The following MINDY2 variants were observed in gnomAD, a reference collection of about 807,000 sequenced individuals.
The protein encoded by MINDY2 is ubiquitin carboxyl-terminal hydrolase MINDY-2.
Under a neutral mutation model 68.2 loss-of-function variants are expected in MINDY2, and 52 were observed. That is an observed-to-expected ratio of 0.76 (90% CI 0.61 to 0.96). The LOEUF is 0.96. Among genes scored for constraint, MINDY2 ranks in the 40% least tolerant of loss-of-function variants. The pLI, the probability that MINDY2 is intolerant of heterozygous loss-of-function variation, is 0.00. For missense variants in MINDY2, 881 were observed against 773.4 expected (o/e 1.14, Z -1.65); for synonymous variants, 372 against 303.0 (o/e 1.23, Z -2.36).
intron 6 of MINDY2, among the ~76,000 whole-genome samples, chr15:58,838,216 G>A (rs1224862079): frequency 1.3e-5 from 2 of 150,820 alleles, no homozygotes; most frequent in African/African-American, 4.9e-5. Context: ...TGGCCAACAT[G>A]GTGAAACCCC....
chr15:58,804,337 C>A (rs1902875400), intron 3 of MINDY2, among the ~76,000 whole-genome samples: 1 of 152,088 alleles, frequency 6.6e-6, no homozygotes, highest in Non-Finnish European at 1.5e-5. Flanking sequence ...TAATTTATAT[C>A]ATGTATTTAT....
intron 3 of MINDY2, among the ~76,000 whole-genome samples, chr15:58,805,243 A>G (rs1250566458): frequency 6.6e-6 from 1 of 151,406 alleles, no homozygotes; most frequent in Admixed American, 6.6e-5. Flanking sequence ...TCAAGCTTAT[A>G]TGGCTGGGCT....
chr15:58,812,214 G>T (rs36028781), intron 4 of MINDY2, among the ~76,000 whole-genome samples: 1 of 152,098 alleles, frequency 6.6e-6, no homozygotes, highest in African/African-American at 2.4e-5. Flanking sequence ...GAGGCGGGTG[G>T]ATCATGAAGT....
At chr15:58,796,030 C>A in intron 2 of MINDY2, 1 of 451,468 alleles carries the variant, frequency 2.2e-6, no homozygotes. Flanking sequence ...TTATTGTGAC[C>A]TTCATCAAAC....
chr15:58,812,510 T>C (rs2030359772), intron 4 of MINDY2, among the ~76,000 whole-genome samples: 1 of 151,778 alleles, frequency 6.6e-6, no homozygotes, highest in Non-Finnish European at 1.5e-5. Flanking sequence ...TGGGAAAATT[T>C]AGTAATTTTG....
At chr15:58,852,065 T>C in intron 8 of MINDY2, 100 bp downstream of exon 8, 3 of 892,536 alleles carry the variant, frequency 3.4e-6, no homozygotes, top group Non-Finnish European at 5.0e-6. Context: ...GGCAGGCAGA[T>C]TGCTTGAGCC....
intron 6 of MINDY2, among the ~76,000 whole-genome samples, chr15:58,840,056 A>G (rs1434452570): frequency 6.6e-6 from 1 of 151,398 alleles, no homozygotes; most frequent in African/African-American, 2.4e-5. Flanking sequence ...CTAGTCTCGA[A>G]CTCCTGACCT....
In MINDY2 at chr15:58,771,581, C is replaced by T; in HGVS notation, c.186C>T (p.Ser62=). 1.2e-6 allele frequency: 2 copies of T among 1,611,544 alleles called. No individual in the cohort carries two copies. The highest frequency in any genetic ancestry group is 1.7e-6 in the Non-Finnish European group (2 of 1,179,660). ...NGLGAAAARR[S]LPDSASPAGS... ...TGGGGGCGGCGGCCGCCAGGAGGAG[C>T]CTCCCGGACTCGGCTTCTCCCGCGG... The change falls in exon 1 of 9, where the codon AGC becomes AGT. Residue 62 remains serine, a synonymous_variant. Transcript: ENST00000559228.
chr15:58,784,876 C>G (rs556082), intron 1 of MINDY2, among the ~76,000 whole-genome samples: 1,919 of 151,844 alleles, frequency 0.013, 36 homozygotes, highest in African/African-American at 0.037. Context: ...CTCAAGTGAT[C>G]CTTTCACTTC....
intron 5 of MINDY2, among the ~76,000 whole-genome samples, chr15:58,829,860 T>G (rs2031617726): frequency 6.6e-6 from 1 of 152,228 alleles, no homozygotes; most frequent in Admixed American, 6.5e-5. Context: ...TACTATGGTT[T>G]GACACTAAGG....
chr15:58,810,306 G>A lies in MINDY2; in HGVS notation c.1040G>A (p.Arg347Gln), dbSNP rs778649851. 21 of 1,613,808 alleles carry A rather than the reference G, an allele frequency of 1.3e-5. No homozygotes were observed. The South Asian group carries it at 1.6e-4, about 13-fold the overall frequency. The change falls in exon 4 of 9, where the codon CGA becomes CAA. Residue 347 changes from arginine to glutamine, a missense_variant. Arg to Gln is a conservative substitution (Grantham distance 43, BLOSUM62 1). Coordinates refer to ENST00000559228, the MANE Select transcript of MINDY2 (RefSeq NM_001040450.3). Reference sequence around the variant, plus strand: ...GTAAATGTAAGATTCACTGGTGTTCGAGTGTTTGAATATACACCAGAATGC... The same window carrying A: ...GTAAATGTAAGATTCACTGGTGTTCAAGTGTTTGAATATACACCAGAATGC... ...LDVNVRFTGV[R>Q]VFEYTPECIV...
intron 1 of MINDY2, among the ~76,000 whole-genome samples, chr15:58,783,691 C>T (rs934598843): frequency 6.6e-6 from 1 of 152,100 alleles, no homozygotes; most frequent in African/African-American, 2.4e-5. Context: ...CCCAGCACTT[C>T]AGGAGGCTGA....
rs10563818 is a variant in MINDY2, at chr15:58,853,819, TAAAA to T, written c.1738-643_1738-640del. On this transcript the variant is annotated intron_variant, in intron 8 of 8. Coordinates refer to ENST00000559228, the MANE Select transcript of MINDY2 (RefSeq NM_001040450.3). ...CTAACAGAGTGAGACTCCATCTCAATAAAAAAAAAAAAAAAAAAAAAAAGTCTGT... is the reference window on the plus strand; with the variant it reads ...CTAACAGAGTGAGACTCCATCTCAATAAAAAAAAAAAAAAAAAAAGTCTGT... Among the ~76,000 whole-genome samples, 420 of 102,176 alleles carry T rather than the reference TAAAA, an allele frequency of 4.1e-3. 1 individual carries two copies. The highest frequency in any genetic ancestry group is 1.0e-2 in the African/African-American group (263 of 26,328). 67.0% of individuals were successfully genotyped at this position (102,176 alleles called of 152,430 possible). A position where few individuals can be genotyped will look rare whatever the true frequency, so the allele number is the denominator to read the frequency against.
At chr15:58,778,177 A>G (rs758952437) in intron 1 of MINDY2, among the ~76,000 whole-genome samples, 2 of 152,174 alleles carry the variant, frequency 1.3e-5, no homozygotes, top group Non-Finnish European at 2.9e-5. Flanking sequence ...CATACATACA[A>G]AAAACTTACA....
At chr15:58,807,719 G>T (rs2029905997) in intron 3 of MINDY2, among the ~76,000 whole-genome samples, 1 of 152,046 alleles carries the variant, frequency 6.6e-6, no homozygotes, top group Admixed American at 6.6e-5. Context: ...AACTGATGTG[G>T]ACAAAATGAC....
In MINDY2 at chr15:58,772,190, C is replaced by A. The variant is rs1340097921; in HGVS notation, c.795C>A (p.Pro265=). 4.3e-6 allele frequency: 7 copies of A among 1,613,480 alleles called. No individual in the cohort carries two copies. The highest frequency in any genetic ancestry group is 5.9e-6 in the Non-Finnish European group (7 of 1,180,028). Reference sequence around the variant, plus strand: ...TCATCACCCAGAATGAGAACGGACCCTGCCCCTTGCTGGCCATCCTCAATG... The same window carrying A: ...TCATCACCCAGAATGAGAACGGACCATGCCCCTTGCTGGCCATCCTCAATG... ...TPIITQNENG[P]CPLLAILNVL... The change falls in exon 1 of 9, where the codon CCC becomes CCA. Residue 265 remains proline (P), a synonymous_variant. Transcript: ENST00000559228.
At chr15:58,819,087 T>G (rs2030891850) in intron 4 of MINDY2, among the ~76,000 whole-genome samples, 1 of 152,240 alleles carries the variant, frequency 6.6e-6, no homozygotes, top group South Asian at 2.1e-4. Flanking sequence ...CAAGCGATCC[T>G]TTCCTCAGCC....
intron 4 of MINDY2, among the ~76,000 whole-genome samples, chr15:58,820,258 C>G (rs1260687025): frequency 2.0e-5 from 3 of 151,292 alleles, no homozygotes; most frequent in African/African-American, 7.3e-5. Context: ...GAGTGAGATT[C>G]CATCTCAAAA....
At chr15:58,840,768 T>G (rs1459061585) in intron 6 of MINDY2, among the ~76,000 whole-genome samples, 1 of 149,462 alleles carries the variant, frequency 6.7e-6, no homozygotes, top group Non-Finnish European at 1.5e-5. Flanking sequence ...GCCATTCTCC[T>G]GCCTCAGCCT....
Sources: gnomAD v4.1 joint callset for allele counts (sites outside exome capture counted in the v4.1 genomes callset) on GRCh38, gnomAD v4.1.1 for gene constraint, MANE v1.5 for transcripts, NCBI Gene and HGNC (gene_info 2026-07-23, HGNC 2026-07-21) for gene names.